The following FANK1 variants were observed in gnomAD, a reference collection of about 807,000 sequenced individuals.
FANK1 encodes the protein fibronectin type 3 and ankyrin repeat domains protein 1.
In FANK1, 44 loss-of-function variants were observed where a neutral mutation model predicts 45.3. The ratio of observed to expected loss-of-function variants is 0.97; its 90% CI spans 0.76 to 1.25. FANK1 has a LOEUF of 1.25. Among genes scored for constraint, FANK1 ranks in the 50% most tolerant of loss-of-function variants. The pLI is 0.00. For missense variants in FANK1, 391 were observed against 424.4 expected (o/e 0.92, Z 0.69); for synonymous variants, 149 against 152.5 (o/e 0.98, Z 0.17).
intron 3 of FANK1, among the ~76,000 whole-genome samples, chr10:125,992,441 C>G (rs1465464120): frequency 6.6e-6 from 1 of 152,094 alleles, no homozygotes; most frequent in Non-Finnish European, 1.5e-5. Context: ...CACCCTGGAA[C>G]GATGGTTACT....
chr10:125,914,221 C>T (rs78751843), intron 1 of FANK1, among the ~76,000 whole-genome samples: 1 of 149,546 alleles, frequency 6.7e-6, no homozygotes. Flanking sequence ...ATGTCACATT[C>T]TAAATTTGTA....
At chr10:125,962,683 C>T (rs1481639537) in intron 1 of FANK1, among the ~76,000 whole-genome samples, 1 of 151,906 alleles carries the variant, frequency 6.6e-6, no homozygotes, top group Non-Finnish European at 1.5e-5. Context: ...ATGTTTTTAT[C>T]TTCTCGAAGA....
intron 1 of FANK1, among the ~76,000 whole-genome samples, chr10:125,921,684 C>T (rs1308236721): frequency 1.3e-5 from 2 of 152,018 alleles, no homozygotes; most frequent in African/African-American, 4.8e-5. Flanking sequence ...TTTTGGTAGT[C>T]TGTCTTTCAA....
At chr10:126,001,529 G>C (rs1471435202) in intron 6 of FANK1, among the ~76,000 whole-genome samples, 2 of 152,186 alleles carry the variant, frequency 1.3e-5, no homozygotes, top group African/African-American at 4.8e-5. Flanking sequence ...AGGGCACAGT[G>C]GGATGCCCTG....
rs189720150 is a variant in FANK1, at chr10:125,910,810, G to A, written c.13+14155G>A. ...AGCACTTTGGGAGGCCGAGGTGGGC[G>A]GATCATGAGGTTAGGAGATTGAGAC... On this transcript the variant is annotated intron_variant, in intron 1 of 10. Transcript: ENST00000368693. Among the ~76,000 whole-genome samples, 38 of 152,176 alleles carry A rather than the reference G, an allele frequency of 2.5e-4. No individual in the cohort carries two copies. The East Asian group carries it at 6.2e-3, about 25-fold the overall frequency.
At chr10:125,990,837 A>G (rs1428599875) in intron 3 of FANK1, among the ~76,000 whole-genome samples, 1 of 152,210 alleles carries the variant, frequency 6.6e-6, no homozygotes, top group African/African-American at 2.4e-5. Context: ...AGGCCTCACA[A>G]CCATGGTGGA....
At chr10:125,950,509 T>G (rs890903121) in intron 1 of FANK1, among the ~76,000 whole-genome samples, 52 of 151,948 alleles carry the variant, frequency 3.4e-4, no homozygotes, top group Middle Eastern at 3.4e-3. Context: ...AAAAAACACA[T>G]GAAAAAATGC....
intron 3 of FANK1, chr10:125,989,357 G>A: frequency 3.2e-6 from 5 of 1,551,232 alleles, no homozygotes; most frequent in Non-Finnish European, 4.4e-6. Flanking sequence ...TGAAAACACA[G>A]GCAAGTAATT....
At chr10:126,005,549 C>A (rs1472629804) in intron 7 of FANK1, among the ~76,000 whole-genome samples, 3 of 152,114 alleles carry the variant, frequency 2.0e-5, no homozygotes, top group Non-Finnish European at 4.4e-5. Context: ...CTTAAGTGAT[C>A]CACCCACCTC....
intron 3 of FANK1, among the ~76,000 whole-genome samples, chr10:125,992,209 C>T (rs1414859927): frequency 6.6e-6 from 1 of 152,204 alleles, no homozygotes; most frequent in Non-Finnish European, 1.5e-5. Context: ...CCTCTCTGTT[C>T]CTCAGGACTC....
At chr10:125,914,610 A>G (rs1221211154) in intron 1 of FANK1, among the ~76,000 whole-genome samples, 3 of 152,220 alleles carry the variant, frequency 2.0e-5, no homozygotes, top group Non-Finnish European at 4.4e-5. Context: ...TGAAAAAGGA[A>G]TAAAATTTTT....
intron 1 of FANK1, among the ~76,000 whole-genome samples, chr10:125,959,373 C>T (rs953029862): frequency 1.5e-5 from 2 of 136,364 alleles, no homozygotes; most frequent in African/African-American, 2.8e-5. Context: ...GAGATCATGC[C>T]ACTGCATTCC....
At position 125,963,656 on chromosome 10, in the gene FANK1, C is replaced by A. The variant is rs377199641; in HGVS notation, c.14-16505C>A. 4.2e-4 allele frequency among the ~76,000 whole-genome samples: 64 copies of A among 152,196 alleles called. 2 individuals carry two copies. In the South Asian group the frequency reaches 0.013, roughly 31 times the overall value. The stretch of plus-strand genomic sequence containing the variant: ...ACTATCGCAAGGACAAAAAACCAAA[C>A]ACCACATGTTCTCACTCATAGGTGG... On this transcript the variant is annotated intron_variant, in intron 1 of 10. Coordinates refer to ENST00000368693, the MANE Select transcript of FANK1 (RefSeq NM_145235.5).
Position 125,994,390 on chromosome 10 carries a change from A to G in FANK1, c.317-1027A>G, listed in dbSNP as rs917824316. 24 of 985,370 alleles carry G rather than the reference A, an allele frequency of 2.4e-5. No individual in the cohort carries two copies. The East Asian group carries it at 5.7e-4, about 23-fold the overall frequency. The allele number at this position is 985,370 out of a possible 1,614,324, so 61.0% of individuals were successfully genotyped here. On this transcript the variant is annotated intron_variant, in intron 3 of 10. Coordinates refer to ENST00000368693, the MANE Select transcript of FANK1 (RefSeq NM_145235.5). ...GTACATTACTTAGGTTTGTTGAATG[A>G]ATAAATGAGACCTTTGAGGTTTTTT...
At position 126,008,467 on chromosome 10, in the gene FANK1, G is replaced by C. The variant is rs1252351249; in HGVS notation, c.766G>C (p.Gly256Arg). 12 of 1,613,558 alleles carry C rather than the reference G, an allele frequency of 7.4e-6. No individual in the cohort carries two copies. Among genetic ancestry groups the C allele is most frequent in the Non-Finnish European group, 9.3e-6 (11 of 1,179,726 alleles). The stretch of plus-strand genomic sequence containing the variant: ...ACTCATGAGAGTCTCTGCGGTGTCG[G>C]GAAATCAGAGGGTGGCCTCTCTTCT... ...TPLMRVSAVSGNQRVASLLID... is the reference protein window; with the variant it reads ...TPLMRVSAVSRNQRVASLLID... The change falls in exon 8 of 11, where the codon GGA becomes CGA. Residue 256 changes from glycine to arginine, a missense_variant. Gly to Arg is a moderately radical substitution (Grantham distance 125, BLOSUM62 -2). Transcript: ENST00000368693.
chr10:125,932,183 GCT>G (rs1947796580), intron 1 of FANK1, among the ~76,000 whole-genome samples: 1 of 152,084 alleles, frequency 6.6e-6, no homozygotes, highest in Admixed American at 6.6e-5. Context: ...GGCTCTGCGG[GCT>G]CTTTTTTGGT....
At chr10:125,984,522 T>G (rs764160533) in intron 2 of FANK1, among the ~76,000 whole-genome samples, 1 of 152,058 alleles carries the variant, frequency 6.6e-6, no homozygotes, top group Non-Finnish European at 1.5e-5. Flanking sequence ...TGGGGAAGAC[T>G]GTGGGTGGAG....
rs1489065385 is a variant in FANK1 at position 125,919,454 on chromosome 10, C to G, written c.13+22799C>G. On this transcript the variant is annotated intron_variant, in intron 1 of 10. Coordinates refer to ENST00000368693, the MANE Select transcript of FANK1 (RefSeq NM_145235.5). Reference sequence around the variant, plus strand: ...CTCTCGACCTCAGGTGATCCTCCCCCCTTGGCCTCTCAAAGTGCTGGGATT... The same window carrying G: ...CTCTCGACCTCAGGTGATCCTCCCCGCTTGGCCTCTCAAAGTGCTGGGATT... Among the ~76,000 whole-genome samples the G allele has an allele frequency of 3.9e-5, 6 of 152,096 alleles. No individual in the cohort carries two copies. The East Asian group carries it at 9.6e-4, about 24-fold the overall frequency.
At chr10:125,951,466 G>A (rs1043507351) in intron 1 of FANK1, among the ~76,000 whole-genome samples, 1 of 152,168 alleles carries the variant, frequency 6.6e-6, no homozygotes, top group African/African-American at 2.4e-5. Context: ...AGGCAAGGAT[G>A]AAAGTTCAAG....
Sources: allele counts gnomAD v4.1 joint callset (sites outside exome capture counted in the v4.1 genomes callset), GRCh38; gene constraint gnomAD v4.1.1; transcripts MANE v1.5; gene names NCBI Gene and HGNC (gene_info 2026-07-23, HGNC 2026-07-21).